The following AFAP1 variants were observed in gnomAD, a reference collection of about 807,000 sequenced individuals.
AFAP1 encodes the protein actin filament-associated protein 1.
A neutral mutation model predicts 93.9 loss-of-function variants in AFAP1; 75 were observed. The ratio of observed to expected loss-of-function variants is 0.80; its 90% CI spans 0.66 to 0.97. The LOEUF (loss-of-function observed/expected upper bound fraction) is 0.97. Ranked by LOEUF, AFAP1 falls within the 50% of genes least tolerant of loss-of-function variation. The pLI is 0.00. For missense variants in AFAP1, 1,201 were observed against 1,050.8 expected (o/e 1.14, Z -1.98); for synonymous variants, 517 against 430.7 (o/e 1.20, Z -2.48).
intron 1 of AFAP1, among the ~76,000 whole-genome samples, chr4:7,930,202 G>A (rs1010047133): frequency 1.3e-5 from 2 of 152,226 alleles, no homozygotes; most frequent in African/African-American, 4.8e-5. Flanking sequence ...CCAAATGCAA[G>A]AGACGCACAG....
At chr4:7,899,154 T>C (rs80139432) in intron 1 of AFAP1, among the ~76,000 whole-genome samples, 10,279 of 152,006 alleles carry the variant, frequency 0.068, 998 homozygotes, top group East Asian at 0.48. Flanking sequence ...GACAGATGCA[T>C]TGGTATGGAA....
At chr4:7,788,330 G>T (rs1444191715) in intron 11 of AFAP1, among the ~76,000 whole-genome samples, 3 of 152,216 alleles carry the variant, frequency 2.0e-5, no homozygotes, top group Non-Finnish European at 4.4e-5. Flanking sequence ...CGCCTCTTTG[G>T]TAAGAAGTCT....
At chr4:7,852,986 G>A (rs931808477) in intron 4 of AFAP1, among the ~76,000 whole-genome samples, 3 of 152,172 alleles carry the variant, frequency 2.0e-5, no homozygotes, top group African/African-American at 7.2e-5. Context: ...CGTCACCCGG[G>A]CAATGGTGAA....
intron 4 of AFAP1, among the ~76,000 whole-genome samples, chr4:7,844,613 T>TC (rs1409566033): frequency 1.3e-5 from 2 of 152,106 alleles, no homozygotes; most frequent in Non-Finnish European, 2.9e-5. Context: ...GGCGGTGATC[T>TC]CCCCGGCACC....
At chr4:7,834,092 TAC>T (rs142790415) in intron 6 of AFAP1, among the ~76,000 whole-genome samples, 3,190 of 126,566 alleles carry the variant, frequency 0.025, 101 homozygotes, top group African/African-American at 0.079. Context: ...AACTGTGGCA[TAC>T]ACACACACAC....
chr4:7,835,425 C>A (rs1425232005), intron 6 of AFAP1, among the ~76,000 whole-genome samples: 80 of 79,894 alleles, frequency 1.0e-3, no homozygotes, highest in South Asian at 2.2e-3. Context: ...GGCTGCCTTA[C>A]AGTTACCTGG....
At chr4:7,821,694 A>G (rs1481007635) in intron 6 of AFAP1, among the ~76,000 whole-genome samples, 4 of 152,364 alleles carry the variant, frequency 2.6e-5, no homozygotes, top group Middle Eastern at 3.4e-3. Context: ...TGGGCAAAAA[A>G]GAAACACCAA....
rs75929747 is a variant in AFAP1, at chr4:7,839,670, G to A, written c.547-967C>T. On this transcript the variant is annotated intron_variant, in intron 5 of 17. Transcript: ENST00000420658. ...GACATTCACTCTAAAGATTTCGACT[G>A]GTAAGGTTAGAACTGAGACTTAACT... Among the ~76,000 whole-genome samples, 768 of 152,220 alleles carry A rather than the reference G, an allele frequency of 5.0e-3. 2 individuals are homozygous for A. Among genetic ancestry groups the A allele is most frequent in the African/African-American group, 0.017 (710 of 41,530 alleles).
At chr4:7,933,847 T>A (rs768771070) in intron 1 of AFAP1, among the ~76,000 whole-genome samples, 1 of 152,212 alleles carries the variant, frequency 6.6e-6, no homozygotes, top group Non-Finnish European at 1.5e-5. Flanking sequence ...CCAGCCCACA[T>A]GGTGATTTTT....
chr4:7,799,836 A>C (rs976030175), intron 10 of AFAP1, among the ~76,000 whole-genome samples: 5 of 152,218 alleles, frequency 3.3e-5, no homozygotes, highest in African/African-American at 1.2e-4. Flanking sequence ...TTCTGCTTTC[A>C]TGAGTAAGAA....
At chr4:7,911,147 G>A (rs1719700866) in intron 1 of AFAP1, among the ~76,000 whole-genome samples, 1 of 152,154 alleles carries the variant, frequency 6.6e-6, no homozygotes, top group Non-Finnish European at 1.5e-5. Context: ...GACTTGGCAA[G>A]TTACCACGAA....
rs181525208 is a variant in AFAP1 at position 7,890,598 on chromosome 4, G to A, written c.-2-18518C>T. Among the ~76,000 whole-genome samples, 488 of 152,202 alleles carry A rather than the reference G, an allele frequency of 3.2e-3. 4 individuals carry two copies. Among genetic ancestry groups the A allele is most frequent in the African/African-American group, 0.01 (422 of 41,528 alleles). On this transcript the variant is annotated intron_variant, in intron 1 of 17. Transcript: ENST00000420658. ...GACACAGCACTTGTAACAACACACT[G>A]AATACCAAAAACACATGAAGACAAA...
At chr4:7,781,754 C>T in intron 12 of AFAP1, 127 bp from the exon 13 acceptor site, 1 of 1,237,402 alleles carries the variant, frequency 8.1e-7, no homozygotes, top group Non-Finnish European at 1.1e-6. Context: ...CTCTCCTGCA[C>T]ACAGACTGCA....
chr4:7,930,999 G>C (rs1407268723), intron 1 of AFAP1, among the ~76,000 whole-genome samples: 1 of 152,186 alleles, frequency 6.6e-6, no homozygotes, highest in Non-Finnish European at 1.5e-5. Flanking sequence ...TGATCTGCCT[G>C]CCTCGGCCTC....
At position 7,868,666 on chromosome 4, in the gene AFAP1, C is replaced by A; in HGVS notation, c.181G>T (p.Ala61Ser). 6.2e-7 allele frequency: 1 copy of A among 1,613,386 alleles called. No individual in the cohort carries two copies. Residue 61 changes from alanine (A) to serine (S), a missense_variant, in exon 3 of 18, where the codon GCC becomes TCC. By Grantham distance (99) the Ala-to-Ser change is moderately conservative. Coordinates refer to ENST00000420658, the MANE Select transcript of AFAP1 (RefSeq NM_001134647.2). ...TCCGGCAGGGGCATCTGAGGAGGGG[C>A]TGGCAGGCTGTTAGCGGTCTCCTGC... Reference protein sequence around the residue: ...QKQETANSLPAPPQMPLPEIP... With the variant: ...QKQETANSLPSPPQMPLPEIP...
chr4:7,816,094 C>A lies in AFAP1; in HGVS notation c.828G>T (p.Leu276=), dbSNP rs1446209302. The A allele has an allele frequency of 6.2e-7, 1 of 1,610,958 alleles. No individual in the cohort carries two copies. Among genetic ancestry groups the A allele is most frequent in the Admixed American group, 1.7e-5 (1 of 59,854 alleles). The part of the protein sequence containing the change: ...PVHKAELEKK[L]SSERPSSDGE... Reference sequence around the variant, plus strand: ...CATCTGAGCTGGGTCTCTCTGAAGACAGTTTCTGTAAGGAGAAAAAGATTA... The same window carrying A: ...CATCTGAGCTGGGTCTCTCTGAAGAAAGTTTCTGTAAGGAGAAAAAGATTA... Residue 276 remains leucine, a synonymous_variant, in exon 8 of 18, where the codon CTG becomes CTT. Coordinates refer to ENST00000420658, the MANE Select transcript of AFAP1 (RefSeq NM_001134647.2).
intron 8 of AFAP1, among the ~76,000 whole-genome samples, chr4:7,812,495 T>C (rs1434331680): frequency 6.6e-6 from 1 of 151,930 alleles, no homozygotes; most frequent in Non-Finnish European, 1.5e-5. Context: ...TCCAAGTATA[T>C]GGGAACATGA....
At chr4:7,870,390 TG>T (rs1212755838) in intron 2 of AFAP1, among the ~76,000 whole-genome samples, 3 of 152,192 alleles carry the variant, frequency 2.0e-5, no homozygotes, top group East Asian at 3.9e-4. Flanking sequence ...CCAGGCGCAA[TG>T]GTTCATGCCT....
chr4:7,772,518 C>G (rs1211808724), intron 16 of AFAP1: 4 of 288,998 alleles, frequency 1.4e-5, no homozygotes, highest in Admixed American at 4.8e-5. Context: ...CAAATCATGA[C>G]CTGGTTCAGA....
Sources: gnomAD v4.1 joint callset for allele counts (sites outside exome capture counted in the v4.1 genomes callset) on GRCh38, gnomAD v4.1.1 for gene constraint, MANE v1.5 for transcripts, NCBI Gene and HGNC (gene_info 2026-07-23, HGNC 2026-07-21) for gene names.